TTL: variants seen among roughly 807,000 people sequenced by gnomAD.
TTL encodes the protein tubulin--tyrosine ligase.
In TTL, 10 loss-of-function variants were observed where a neutral mutation model predicts 41.1. The observed-to-expected ratio is 0.24, with a 90% confidence interval of 0.15 to 0.41. The LOEUF (loss-of-function observed/expected upper bound fraction) is 0.41, where lower values mean the gene tolerates loss of function less well. TTL is among the 10% of genes least tolerant of loss of function. The pLI is 1.00. For missense variants in TTL, 367 were observed against 460.4 expected (o/e 0.80, Z 1.86); for synonymous variants, 175 against 175.5 (o/e 1.00, Z 0.02).
intron 6 of TTL, among the ~76,000 whole-genome samples, chr2:112,524,924 A>G (rs11679379): frequency 0.99 from 150,174 of 152,358 alleles, 74,052 homozygotes; most frequent in Non-Finnish European, 1. Context: ...ATGGTTTTAC[A>G]TCTAACATTT....
chr2:112,523,074 G>C (rs1682284778), intron 6 of TTL, among the ~76,000 whole-genome samples: 1 of 152,074 alleles, frequency 6.6e-6, no homozygotes, highest in South Asian at 2.1e-4. Flanking sequence ...CACCTCTCCA[G>C]CTTCATCCCA....
chr2:112,496,097 A>G (rs1031794429), intron 3 of TTL, among the ~76,000 whole-genome samples: 3 of 152,016 alleles, frequency 2.0e-5, no homozygotes, highest in African/African-American at 7.2e-5. Flanking sequence ...TGTGGTTCCA[A>G]TGGTAAATGA....
chr2:112,509,523 C>T lies in TTL; in HGVS notation c.875+6342C>T, dbSNP rs1020963194. Among the ~76,000 whole-genome samples the T allele has an allele frequency of 5.3e-5, 8 of 152,290 alleles. No homozygotes were observed. In the East Asian group the frequency reaches 9.6e-4, roughly 18 times the overall value. The stretch of plus-strand genomic sequence containing the variant: ...TGTGGGATATAATCTCATGGTGCGC[C>T]GTTTCTTAAGCCGGTCTGAAAAGCG... On this transcript the variant is annotated intron_variant, in intron 5 of 6. Coordinates refer to ENST00000233336, the MANE Select transcript of TTL (RefSeq NM_153712.5).
chr2:112,503,805 C>CTTTTTTT (rs70963002), intron 5 of TTL, among the ~76,000 whole-genome samples: 21 of 102,522 alleles, frequency 2.0e-4, no homozygotes, highest in Admixed American at 3.4e-4. Flanking sequence ...CCGTAAACTT[C>CTTTTTTT]TTTTTTTTTT....
At chr2:112,515,658 C>T (rs1014668439) in intron 5 of TTL, among the ~76,000 whole-genome samples, 1 of 152,132 alleles carries the variant, frequency 6.6e-6, no homozygotes, top group African/African-American at 2.4e-5. Flanking sequence ...AACATGTATT[C>T]CCTGCCAGGC....
intron 5 of TTL, among the ~76,000 whole-genome samples, chr2:112,517,156 CAAAAA>C (rs33990458): frequency 3.8e-5 from 4 of 105,604 alleles, no homozygotes; most frequent in Admixed American, 9.9e-5. Flanking sequence ...GAGCTTTCAG[CAAAAA>C]AAAAAAAAAA....
rs1244521517 is a variant in TTL, at chr2:112,512,944, CTTCTT to C, written c.876-7335_876-7331del. ...TCCTGTTGAGTATTTGGCGCTATGTCTTCTTTTATTTTTTTTTAGTGCTTTTTTTT... is the reference window on the plus strand; with the variant it reads ...TCCTGTTGAGTATTTGGCGCTATGTCTTATTTTTTTTTAGTGCTTTTTTTT... On this transcript the variant is annotated intron_variant, in intron 5 of 6. Transcript: ENST00000233336. Among the ~76,000 whole-genome samples the C allele has an allele frequency of 4.7e-5, 7 of 148,292 alleles. No individual in the cohort carries two copies. The South Asian group carries it at 1.5e-3, about 32-fold the overall frequency.
chr2:112,529,089 A>T lies in TTL; in HGVS notation c.*294A>T, dbSNP rs1269908785. ...CCCCTCTCCCCGGGAACGGCAGGGC[A>T]CTGGGACCTCTGGTCGGTGCCTCCC... On this transcript the variant is annotated 3_prime_UTR_variant, in exon 7 of 7. Transcript: ENST00000233336. The T allele has an allele frequency of 2.1e-6, 1 of 467,812 alleles. No homozygotes were observed. The highest frequency in any genetic ancestry group is 1.9e-5 in the African/African-American group (1 of 51,764). 29.0% of individuals were successfully genotyped at this position (467,812 alleles called of 1,614,324 possible).
At chr2:112,487,050 GC>G (rs895409689) in intron 2 of TTL, among the ~76,000 whole-genome samples, 1 of 152,156 alleles carries the variant, frequency 6.6e-6, no homozygotes, top group African/African-American at 2.4e-5. Flanking sequence ...ACTGGGTCGG[GC>G]CACTAAAATC....
Position 112,540,329 on chromosome 2 carries a change from TG to T in TTL, c.*11537del, listed in dbSNP as rs910694502. 2 of 151,440 alleles carry T rather than the reference TG, an allele frequency of 1.3e-5. No individual in the cohort carries two copies. Among genetic ancestry groups the T allele is most frequent in the Non-Finnish European group, 2.9e-5 (2 of 67,952 alleles). The allele number at this position is 151,440 out of a possible 1,614,324, so 9.4% of individuals were successfully genotyped here. A position where few individuals can be genotyped will look rare whatever the true frequency, so the allele number is the denominator to read the frequency against. On this transcript the variant is annotated 3_prime_UTR_variant, in exon 7 of 7. Coordinates refer to ENST00000233336, the MANE Select transcript of TTL (RefSeq NM_153712.5). ...GTGCATGCCTGTAATCTCAGCTATT[TG>T]GGAGGCTGAGGCAGGAGGTAGAGGT...
Position 112,533,771 on chromosome 2 carries a change from A to G in TTL, c.*4976A>G, listed in dbSNP as rs1682551714. 1 of 152,194 alleles carries G rather than the reference A, an allele frequency of 6.6e-6. No homozygotes were observed. The highest frequency in any genetic ancestry group is 1.5e-5 in the Non-Finnish European group (1 of 68,038). 9.4% of individuals were successfully genotyped at this position (152,194 alleles called of 1,614,324 possible). On this transcript the variant is annotated 3_prime_UTR_variant, in exon 7 of 7. Transcript: ENST00000233336. ...CTTACAGGTCCCACCTCTCAACACT[A>G]TTGCAGTAGAGATTAAGTTTCCAAC...
Position 112,532,947 on chromosome 2 carries a change from G to C in TTL, c.*4152G>C, listed in dbSNP as rs532666655. 1 of 152,206 alleles carries C rather than the reference G, an allele frequency of 6.6e-6. No homozygotes were observed. The highest frequency in any genetic ancestry group is 1.9e-4 in the East Asian group (1 of 5,180). The allele number at this position is 152,206 out of a possible 1,614,324, so 9.4% of individuals were successfully genotyped here. ...TCGTTTCTTACGTGTCTTGTGTATC[G>C]AGTTCTTGTAAAGCATTTCACCAAG... is the stretch of plus-strand genomic sequence containing the variant. On this transcript the variant is annotated 3_prime_UTR_variant, in exon 7 of 7. Transcript: ENST00000233336.
intron 3 of TTL, among the ~76,000 whole-genome samples, chr2:112,497,574 AAAT>A (rs1402306526): frequency 6.6e-6 from 1 of 152,054 alleles, no homozygotes; most frequent in Non-Finnish European, 1.5e-5. Context: ...TTGTATCAAA[AAAT>A]CTGAGTCTGA....
At chr2:112,512,297 C>T (rs1391199301) in intron 5 of TTL, among the ~76,000 whole-genome samples, 17 of 150,186 alleles carry the variant, frequency 1.1e-4, no homozygotes, top group African/African-American at 3.7e-4. Flanking sequence ...GTGTCTCACT[C>T]TGTCGCTCAG....
At chr2:112,526,493 A>G (rs569440414) in intron 6 of TTL, among the ~76,000 whole-genome samples, 14 of 152,302 alleles carry the variant, frequency 9.2e-5, no homozygotes, top group African/African-American at 2.2e-4. Context: ...CAGGGATTCA[A>G]CTTCTTCCTT....
Position 112,482,288 on chromosome 2 carries a change from T to C in TTL, c.-57T>C. 8.0e-7 allele frequency: 1 copy of C among 1,247,350 alleles called. No homozygotes were observed. Among genetic ancestry groups the C allele is most frequent in the Non-Finnish European group, 1.0e-6 (1 of 975,828 alleles). 77.3% of individuals were successfully genotyped at this position (1,247,350 alleles called of 1,614,324 possible). A position where few individuals can be genotyped will look rare whatever the true frequency, so the allele number is the denominator to read the frequency against. ...GCGGGGTCCGCGCTGAGCCGCCTTC[T>C]CGGCCGCCTGGTCCCTGCGGCGGCT... On this transcript the variant is annotated 5_prime_UTR_variant, in exon 1 of 7. Coordinates refer to ENST00000233336, the MANE Select transcript of TTL (RefSeq NM_153712.5). This position sits in a 1 kb window ranked among gnomAD's most constrained non-coding sequence, Gnocchi z 5.3.
intron 3 of TTL, among the ~76,000 whole-genome samples, chr2:112,497,485 A>G (rs1029269918): frequency 6.6e-6 from 1 of 152,256 alleles, no homozygotes; most frequent in East Asian, 1.9e-4. Flanking sequence ...TACTAAAAGT[A>G]TCACCATTTT....
At chr2:112,522,762 T>C (rs1682275075) in intron 6 of TTL, among the ~76,000 whole-genome samples, 1 of 152,138 alleles carries the variant, frequency 6.6e-6, no homozygotes, top group South Asian at 2.1e-4. Context: ...ATCCTGCCTC[T>C]GCCTTCCCTT....
chr2:112,486,567 C>T (rs889639351), intron 2 of TTL, among the ~76,000 whole-genome samples: 1 of 152,166 alleles, frequency 6.6e-6, no homozygotes, highest in Non-Finnish European at 1.5e-5. Flanking sequence ...GATATCTGGG[C>T]AGGGTATAAG....
Sources: gnomAD v4.1 joint callset for allele counts (sites outside exome capture counted in the v4.1 genomes callset) on GRCh38, gnomAD v4.1.1 for gene constraint, Gnocchi (gnomAD v3.1) non-coding constraint, MANE v1.5 for transcripts, NCBI Gene and HGNC (gene_info 2026-07-23, HGNC 2026-07-21) for gene names.